The following ALOXE3 variants were observed in gnomAD, a reference collection of about 807,000 sequenced individuals.
ALOXE3 encodes the protein hydroperoxide isomerase ALOXE3.
A neutral mutation model predicts 87.5 loss-of-function variants in ALOXE3; 78 were observed. The observed-to-expected ratio is 0.89, with a 90% CI of 0.74 to 1.08. The LOEUF is 1.08. Among genes scored for constraint, ALOXE3 ranks in the 50% least tolerant of loss-of-function variants. The pLI, the probability that ALOXE3 is intolerant of heterozygous loss-of-function variation, is 0.00. For synonymous variants in ALOXE3, 363 were observed against 370.8 expected (o/e 0.98, Z 0.24); for missense variants, 946 against 912.4 (o/e 1.04, Z -0.47).
chr17:8,107,839 A>AGGGGCC (rs1567996048), intron 13 of ALOXE3, among the ~76,000 whole-genome samples: 49 of 4,164 alleles, frequency 0.012, no homozygotes, highest in Admixed American at 0.025. Context: ...GAAAGAAAGA[A>AGGGGCC]AGAAAGAAAG....
chr17:8,113,429 G>A (rs183335168), intron 6 of ALOXE3, among the ~76,000 whole-genome samples: 5 of 152,244 alleles, frequency 3.3e-5, no homozygotes, highest in Admixed American at 2.6e-4. Flanking sequence ...AAGATGGGCC[G>A]ATCACCTGAG....
intron 15 of ALOXE3, among the ~76,000 whole-genome samples, chr17:8,097,596 A>T (rs1978626197): frequency 6.6e-6 from 1 of 152,118 alleles, no homozygotes; most frequent in Non-Finnish European, 1.5e-5. Context: ...AATGAGCTCC[A>T]GTCACTGCCA....
chr17:8,103,369 T>C lies in ALOXE3; in HGVS notation c.1910A>G (p.Asn637Ser). The C allele has an allele frequency of 6.2e-7, 1 of 1,614,066 alleles. No individual in the cohort carries two copies. The highest frequency in any genetic ancestry group is 8.5e-7 in the Non-Finnish European group (1 of 1,179,988). ...AACCAACCAGAAGAGGAGGAGGTTG[T>C]TACAGCTGATGTTCACTTCAGGGAG... ...DTLPEVNISC[N>S]NLLLFWLVSQ... Residue 637 changes from asparagine to serine, a missense_variant, in exon 15 of 16, where the codon AAC (asparagine) becomes AGC (serine). Physicochemically the swap from Asn to Ser is conservative, Grantham distance 46 (BLOSUM62 1). Transcript: ENST00000448843.
In ALOXE3 at chr17:8,109,921, C is replaced by A; in HGVS notation, c.1387G>T (p.Asp463Tyr). Residue 463 changes from aspartate to tyrosine, a missense_variant, in exon 11 of 16, where the codon GAC becomes TAC. Physicochemically the swap from Asp to Tyr is radical, Grantham distance 160. Coordinates refer to ENST00000448843, the MANE Select transcript of ALOXE3 (RefSeq NM_021628.3). ...ATLLNPEGLV[D>Y]QVTSIGRQGL... ...ACCCGGCAGGGAGGCCGCACCTGGT[C>A]CACGAGGCCCTCGGGGTTGAGCAGC... 1 of 1,550,148 alleles carries A rather than the reference C, an allele frequency of 6.5e-7. No individual in the cohort carries two copies. Among genetic ancestry groups the A allele is most frequent in the Non-Finnish European group, 8.7e-7 (1 of 1,146,348 alleles).
Position 8,118,093 on chromosome 17 carries a change from G to C in ALOXE3, c.-103C>G. Reference sequence around the variant, plus strand: ...GACAGGGCTGGGTTTCTGGGCGGAGGGCTAGGGGCTGCGGGGCTGGGTAGG... The same window carrying C: ...GACAGGGCTGGGTTTCTGGGCGGAGCGCTAGGGGCTGCGGGGCTGGGTAGG... On this transcript the variant is annotated 5_prime_UTR_variant, in exon 2 of 16. Transcript: ENST00000448843. The C allele has an allele frequency of 6.4e-7, 1 of 1,558,564 alleles. No individual in the cohort carries two copies.
chr17:8,099,031 T>TTC (rs1978753750), intron 15 of ALOXE3, among the ~76,000 whole-genome samples: 1 of 149,352 alleles, frequency 6.7e-6, no homozygotes, highest in Non-Finnish European at 1.5e-5. Context: ...TCTTTTTTTT[T>TTC]TTTTTTTTGG....
At chr17:8,099,643 G>A (rs141217817) in intron 15 of ALOXE3, among the ~76,000 whole-genome samples, 4 of 150,390 alleles carry the variant, frequency 2.7e-5, no homozygotes, top group Non-Finnish European at 4.4e-5. Context: ...CCTGGGTGAC[G>A]GAGTGAGACT....
In ALOXE3 at chr17:8,115,691, G is replaced by A; in HGVS notation, c.353-3C>T. The A allele has an allele frequency of 6.2e-7, 1 of 1,612,146 alleles. No homozygotes were observed. Among genetic ancestry groups the A allele is most frequent in the Non-Finnish European group, 8.5e-7 (1 of 1,178,152 alleles). ...AGAGTCCTGACAAATAGTTCTTGCT[G>A]TGGGGAATGAAAATTACTCTTGGTA... On this transcript the variant is annotated splice_region_variant and splice_polypyrimidine_tract_variant and intron_variant, in intron 3 of 15. Coordinates refer to ENST00000448843, the MANE Select transcript of ALOXE3 (RefSeq NM_021628.3).
Position 8,099,707 on chromosome 17 carries a change from C to T in ALOXE3, c.1957-2901G>A, listed in dbSNP as rs373539976. 4.4e-4 allele frequency among the ~76,000 whole-genome samples: 67 copies of T among 151,222 alleles called. No homozygotes were observed. The East Asian group carries it at 0.011, about 26-fold the overall frequency. On this transcript the variant is annotated intron_variant, in intron 15 of 15. Transcript: ENST00000448843. The stretch of plus-strand genomic sequence containing the variant: ...AATCTTCTCTGCATTTGTGGTTATA[C>T]GCCTTTCCCATTCCTAATGCTGTGT...
At position 8,111,486 on chromosome 17, in the gene ALOXE3, T is replaced by C; in HGVS notation, c.830A>G (p.Gln277Arg). The change falls in exon 8 of 16, where the codon CAG (glutamine) becomes CGG (arginine). Residue 277 changes from glutamine (Q) to arginine (R), a missense_variant. Gln to Arg is a conservative substitution (Grantham distance 43). Coordinates refer to ENST00000448843, the MANE Select transcript of ALOXE3 (RefSeq NM_021628.3). ...HWCEDHFFGYQYLNGVNPVML... is the reference protein window; with the variant it reads ...HWCEDHFFGYRYLNGVNPVML... Reference sequence around the variant, plus strand: ...GACGGGATTGACACCATTCAGGTACTGGTACCCAAAGAAGTGATCTTCACA... The same window carrying C: ...GACGGGATTGACACCATTCAGGTACCGGTACCCAAAGAAGTGATCTTCACA... 1 of 1,614,228 alleles carries C rather than the reference T, an allele frequency of 6.2e-7. No homozygotes were observed.
At chr17:8,107,968 G>GGAA in intron 13 of ALOXE3, among the ~76,000 whole-genome samples, 1 of 18,116 alleles carries the variant, frequency 5.5e-5, no homozygotes, top group African/African-American at 2.1e-4. Flanking sequence ...AAAGGAAGGA[G>GGAA]AGAGAGAGAG....
intron 15 of ALOXE3, among the ~76,000 whole-genome samples, chr17:8,097,232 T>C (rs1978600268): frequency 6.6e-6 from 1 of 152,086 alleles, no homozygotes; most frequent in Non-Finnish European, 1.5e-5. Context: ...TGGGCTCAAG[T>C]GATCCTCCCA....
At chr17:8,118,601 C>G, upstream of ALOXE3, 1 of 1,532,684 alleles carries the variant, frequency 6.5e-7, no homozygotes. Context: ...CGCATTCCAG[C>G]ACATGTCAAA....
At chr17:8,109,457 C>A in intron 11 of ALOXE3, 114 bp from the exon 12 acceptor site, 1 of 1,419,258 alleles carries the variant, frequency 7.0e-7, no homozygotes, top group Non-Finnish European at 9.6e-7. Context: ...GTTCACCAAG[C>A]AATCCACGGA....
Position 8,096,421 on chromosome 17 carries a change from C to A in ALOXE3, c.*206G>T. The A allele has an allele frequency of 1.7e-6, 1 of 592,732 alleles. No individual in the cohort carries two copies. The highest frequency in any genetic ancestry group is 3.0e-6 in the Non-Finnish European group (1 of 329,562). 36.7% of individuals were successfully genotyped at this position (592,732 alleles called of 1,614,324 possible). Reference sequence around the variant, plus strand: ...TTGGACTTTGGTCAGCGGCTTTTAACCTGGACGCTGCTGTGCTGGTCTCTC... The same window carrying A: ...TTGGACTTTGGTCAGCGGCTTTTAAACTGGACGCTGCTGTGCTGGTCTCTC... On this transcript the variant is annotated 3_prime_UTR_variant, in exon 16 of 16. Coordinates refer to ENST00000448843, the MANE Select transcript of ALOXE3 (RefSeq NM_021628.3).
At chr17:8,113,185 A>G (rs1227203700) in intron 6 of ALOXE3, among the ~76,000 whole-genome samples, 1 of 152,178 alleles carries the variant, frequency 6.6e-6, no homozygotes, top group Admixed American at 6.5e-5. Flanking sequence ...GAACTCCTCC[A>G]TGAACACATG....
chr17:8,110,349 T>C (rs1265484686), intron 9 of ALOXE3, 36 bp downstream of exon 9: 3 of 1,607,276 alleles, frequency 1.9e-6, no homozygotes, highest in Admixed American at 1.7e-5. Context: ...GGTTAGCACC[T>C]GAGCCCCCAT....
chr17:8,097,976 T>A (rs1004690846), intron 15 of ALOXE3, among the ~76,000 whole-genome samples: 1 of 152,096 alleles, frequency 6.6e-6, no homozygotes, highest in Admixed American at 6.5e-5. Flanking sequence ...CTCGATCTCC[T>A]GACCTCGTGA....
chr17:8,112,826 G>A (rs559061512), intron 6 of ALOXE3, among the ~76,000 whole-genome samples: 28 of 151,906 alleles, frequency 1.8e-4, no homozygotes, highest in African/African-American at 6.3e-4. Context: ...CTGTGTTACC[G>A]AGGCTGGAGT....
Sources: allele counts gnomAD v4.1 joint callset (sites outside exome capture counted in the v4.1 genomes callset), GRCh38; gene constraint gnomAD v4.1.1; transcripts MANE v1.5; gene names NCBI Gene and HGNC (gene_info 2026-07-23, HGNC 2026-07-21).